Variants in PTPRA observed in about 807,000 individuals in gnomAD.
PTPRA encodes the protein protein tyrosine phosphatase receptor type A.
A neutral mutation model predicts 104.8 loss-of-function variants in PTPRA; 25 were observed. That is an observed-to-expected ratio of 0.24 (90% CI 0.17 to 0.33). The LOEUF is 0.33. Among genes scored for constraint, PTPRA ranks in the 10% least tolerant of loss-of-function variants. PTPRA has a pLI of 1.00. For missense variants in PTPRA, 765 were observed against 1,015.3 expected, an observed-to-expected ratio of 0.75 and a Z score of 3.35; for synonymous variants, 323 against 368.9, an observed-to-expected ratio of 0.88 and a Z score of 1.43.
chr20:2,980,771 A>G (rs2062640206), intron 6 of PTPRA, among the ~76,000 whole-genome samples: 1 of 152,146 alleles, frequency 6.6e-6, no homozygotes, highest in Non-Finnish European at 1.5e-5. Context: ...TGAAAGATTT[A>G]TTCTGTTTCT....
rs977774882 is a variant in PTPRA, at chr20:2,884,543, A to G, written c.-129+10783A>G. Among the ~76,000 whole-genome samples, 17 of 152,160 alleles carry G rather than the reference A, an allele frequency of 1.1e-4. 1 individual carries two copies. In the East Asian group the frequency reaches 3.3e-3, roughly 29 times the overall value. ...GATGATTTATGATGTGCATCTTTTCATGTGCTGTTGGCCGTTTATGTATGT... is the reference window on the plus strand; with the variant it reads ...GATGATTTATGATGTGCATCTTTTCGTGTGCTGTTGGCCGTTTATGTATGT... On this transcript the variant is annotated intron_variant, in intron 1 of 23. Coordinates refer to ENST00000399903, the MANE Select transcript of PTPRA (RefSeq NM_001385305.1).
At chr20:2,897,384 C>CTTTTT (rs60627339) in intron 1 of PTPRA, among the ~76,000 whole-genome samples, 249 of 108,792 alleles carry the variant, frequency 2.3e-3, no homozygotes, top group Non-Finnish European at 3.0e-3. Flanking sequence ...CTTGGCATTT[C>CTTTTT]TTTTTTTTTT....
chr20:3,027,104 C>G lies in PTPRA; in HGVS notation c.1709-17C>G. 1 of 1,612,800 alleles carries G rather than the reference C, an allele frequency of 6.2e-7. No individual in the cohort carries two copies. Among genetic ancestry groups the G allele is most frequent in the Non-Finnish European group, 8.5e-7 (1 of 1,178,844 alleles). The stretch of plus-strand genomic sequence containing the variant: ...CAAATGATATTGGCTAGCCATAAGC[C>G]GCTATTCTTCTTACAGATGAATTCA... On this transcript the variant is annotated splice_polypyrimidine_tract_variant and intron_variant, in intron 18 of 23. Transcript: ENST00000399903.
chr20:2,986,582 A>C (rs1209827698), intron 6 of PTPRA, among the ~76,000 whole-genome samples, 183 bp from the exon 7 acceptor site: 1 of 152,186 alleles, frequency 6.6e-6, no homozygotes, highest in Non-Finnish European at 1.5e-5. Flanking sequence ...TCCCCACCTC[A>C]CCTCAATAGC....
At chr20:3,013,044 C>CTTT (rs2064252901) in intron 11 of PTPRA, among the ~76,000 whole-genome samples, 1 of 152,076 alleles carries the variant, frequency 6.6e-6, no homozygotes, top group South Asian at 2.1e-4. Context: ...ATTGTCATCC[C>CTTT]CTCAAAAGAA....
intron 2 of PTPRA, among the ~76,000 whole-genome samples, chr20:2,947,439 TAG>T (rs2061176600): frequency 6.6e-6 from 1 of 152,212 alleles, no homozygotes; most frequent in Non-Finnish European, 1.5e-5. Flanking sequence ...TTGCTTTTTC[TAG>T]AGAGAGACTA....
At chr20:2,864,770 T>A in the PTPRA span, 1 of 1,226,934 alleles carries the variant, frequency 8.2e-7, no homozygotes, top group Non-Finnish European at 1.2e-6. This position sits in a 1 kb window ranked among gnomAD's most constrained non-coding sequence, Gnocchi z 5.2. Flanking sequence ...TGGTCCTCAC[T>A]GTGAGGGAGA....
chr20:3,034,129 G>C (rs1019535596), intron 20 of PTPRA, among the ~76,000 whole-genome samples: 2 of 152,062 alleles, frequency 1.3e-5, no homozygotes, highest in Admixed American at 1.3e-4. Flanking sequence ...AAATTAGCTA[G>C]GCATGGTGGC....
rs150559353 is a variant in PTPRA at position 2,938,005 on chromosome 20, G to C, written c.-49-9977G>C. ...CAGGACTTTTCTTTAGTTTTTAGAA[G>C]TTTGATTCTGTAAGTTTATATCTAA... On this transcript the variant is annotated intron_variant, in intron 2 of 23. Transcript: ENST00000399903. Among the ~76,000 whole-genome samples the C allele has an allele frequency of 5.9e-3, 896 of 152,118 alleles. 7 individuals carry two copies. The highest frequency in any genetic ancestry group is 0.021 in the African/African-American group (862 of 41,488).
chr20:2,925,850 T>C (rs2060274898), intron 2 of PTPRA, among the ~76,000 whole-genome samples: 2 of 151,932 alleles, frequency 1.3e-5, no homozygotes, highest in African/African-American at 2.4e-5. Context: ...AAAAAACACA[T>C]GGATGTACAA....
rs79317113 is a variant in PTPRA, at chr20:2,874,100, T to C, written c.-129+340T>C. ...CGAGAACAGAATTTGCTCAGGTCCA[T>C]TTAATGGGAGGAAAGAGGAAAACTC... is the stretch of plus-strand genomic sequence containing the variant. On this transcript the variant is annotated intron_variant, in intron 1 of 23. Coordinates refer to ENST00000399903, the MANE Select transcript of PTPRA (RefSeq NM_001385305.1). 4.8e-3 allele frequency among the ~76,000 whole-genome samples: 731 copies of C among 152,084 alleles called. 5 individuals are homozygous for C. Among genetic ancestry groups the C allele is most frequent in the African/African-American group, 0.016 (677 of 41,548 alleles).
chr20:3,001,559 T>C (rs1486836542), intron 9 of PTPRA, among the ~76,000 whole-genome samples: 1 of 151,778 alleles, frequency 6.6e-6, no homozygotes, highest in East Asian at 1.9e-4. Context: ...AAAACTGACA[T>C]CTCATCCTGC....
At chr20:2,885,454 C>G (rs1225039599) in intron 1 of PTPRA, among the ~76,000 whole-genome samples, 1 of 152,202 alleles carries the variant, frequency 6.6e-6, no homozygotes, top group African/African-American at 2.4e-5. Flanking sequence ...TCACCAGTGG[C>G]TGTTAAAACC....
intron 11 of PTPRA, among the ~76,000 whole-genome samples, chr20:3,012,252 G>T (rs2064207793): frequency 6.6e-6 from 1 of 152,194 alleles, no homozygotes; most frequent in Admixed American, 6.5e-5. Context: ...GATCACTGGG[G>T]CTATCATGTA....
At chr20:2,996,248 C>T (rs558544632) in intron 9 of PTPRA, among the ~76,000 whole-genome samples, 1 of 152,190 alleles carries the variant, frequency 6.6e-6, no homozygotes, top group African/African-American at 2.4e-5. Context: ...GTAGAGCCGA[C>T]CTTGGTGGCT....
At chr20:2,952,650 C>T (rs1186199509) in intron 3 of PTPRA, among the ~76,000 whole-genome samples, 1 of 152,130 alleles carries the variant, frequency 6.6e-6, no homozygotes, top group Non-Finnish European at 1.5e-5. Flanking sequence ...CAACCATCAC[C>T]GCCATCCATC....
intron 1 of PTPRA, among the ~76,000 whole-genome samples, chr20:2,920,125 A>G (rs545010107): frequency 4.1e-4 from 63 of 152,274 alleles, no homozygotes; most frequent in African/African-American, 1.5e-3. Flanking sequence ...GTAGGTGGTA[A>G]TTTTTATCCA....
In PTPRA at chr20:3,029,540, C is replaced by CTTTTTTTTTTTTTTTTTTTTTTT. The variant is rs71195813; in HGVS notation, c.1920+1717_1920+1718insTTTTTTTTTTTTTTTTTTTTTTT. ...GACATACTTTGTAGGTCTTCATCAT[C>CTTTTTTTTTTTTTTTTTTTTTTT]TTTTTTTTTTTTTTTTTTGAGACGG... On this transcript the variant is annotated intron_variant, in intron 20 of 23. Transcript: ENST00000399903. Among the ~76,000 whole-genome samples, 53 of 78,064 alleles carry CTTTTTTTTTTTTTTTTTTTTTTT rather than the reference C, an allele frequency of 6.8e-4. 9 individuals carry two copies. Among genetic ancestry groups the CTTTTTTTTTTTTTTTTTTTTTTT allele is most frequent in the East Asian group, 2.5e-3 (5 of 1,996 alleles). 51.2% of individuals were successfully genotyped at this position (78,064 alleles called of 152,430 possible). A position where few individuals can be genotyped will look rare whatever the true frequency, so the allele number is the denominator to read the frequency against.
intron 2 of PTPRA, among the ~76,000 whole-genome samples, chr20:2,925,142 T>C (rs1305803744): frequency 6.6e-6 from 1 of 152,130 alleles, no homozygotes; most frequent in East Asian, 1.9e-4. Context: ...TCCAAAACTT[T>C]TTCATCTCCC....
Sources: allele counts gnomAD v4.1 joint callset (sites outside exome capture counted in the v4.1 genomes callset), GRCh38; gene constraint gnomAD v4.1.1; non-coding constraint Gnocchi (gnomAD v3.1); transcripts MANE v1.5; gene names NCBI Gene and HGNC (gene_info 2026-07-23, HGNC 2026-07-21).